Variants in DOCK3 observed in about 807,000 individuals in gnomAD.
DOCK3 encodes the protein dedicator of cytokinesis 3.
In DOCK3, 60 loss-of-function variants were observed where a neutral mutation model predicts 265.6. The ratio of observed to expected loss-of-function variants is 0.23; its 90% confidence interval spans 0.18 to 0.28. The LOEUF is 0.28. Among genes scored for constraint, DOCK3 ranks in the 10% least tolerant of loss-of-function variants. DOCK3 has a pLI of 1.00. For synonymous variants in DOCK3, 881 were observed against 938.0 expected, an observed-to-expected ratio of 0.94 and a Z score of 1.11; for missense variants, 1,981 against 2,594.3, an observed-to-expected ratio of 0.76 and a Z score of 5.14.
intron 5 of DOCK3, among the ~76,000 whole-genome samples, chr3:50,997,185 G>A (rs1003719061): frequency 6.6e-6 from 1 of 152,048 alleles, no homozygotes; most frequent in Non-Finnish European, 1.5e-5. Flanking sequence ...CACCCTATAC[G>A]TACAAATACA....
At chr3:51,282,896 ACAAAC>A (rs1455071604) in intron 27 of DOCK3, among the ~76,000 whole-genome samples, 1 of 152,198 alleles carries the variant, frequency 6.6e-6, no homozygotes, top group Non-Finnish European at 1.5e-5. Flanking sequence ...AAAGCAAACT[ACAAAC>A]CAATACCCCT....
intron 5 of DOCK3, among the ~76,000 whole-genome samples, chr3:51,058,908 T>C (rs182976785): frequency 1.3e-5 from 2 of 152,254 alleles, no homozygotes; most frequent in Admixed American, 1.3e-4. Flanking sequence ...ATTACATATA[T>C]ATGTATGTAT....
intron 3 of DOCK3, among the ~76,000 whole-genome samples, chr3:50,884,731 A>T (rs2048239195): frequency 1.3e-5 from 2 of 151,288 alleles, no homozygotes. Context: ...AAAATTTTAC[A>T]TTTCAAATTA....
chr3:50,739,403 T>A lies in DOCK3; in HGVS notation c.38-39272T>A, dbSNP rs564008366. On this transcript the variant is annotated intron_variant, in intron 1 of 52. Coordinates refer to ENST00000266037, the MANE Select transcript of DOCK3 (RefSeq NM_004947.5). The stretch of plus-strand genomic sequence containing the variant: ...CTCATTAGTGACTATATGTTTTGCA[T>A]TGTTCTACAGTACCTTCCTTCAGAC... 2.0e-5 allele frequency among the ~76,000 whole-genome samples: 3 copies of A among 152,288 alleles called. No homozygotes were observed. The East Asian group carries it at 5.8e-4, about 29-fold the overall frequency.
chr3:50,947,738 AGAG>A (rs2076464929), intron 5 of DOCK3, among the ~76,000 whole-genome samples: 1 of 152,188 alleles, frequency 6.6e-6, no homozygotes, highest in Non-Finnish European at 1.5e-5. Flanking sequence ...CGAAATAAAT[AGAG>A]GAGATATGTC....
chr3:50,710,821 G>T (rs1326088732), intron 1 of DOCK3, among the ~76,000 whole-genome samples: 2 of 152,186 alleles, frequency 1.3e-5, no homozygotes, highest in Non-Finnish European at 2.9e-5. Context: ...CTACTACTCA[G>T]CCATAAAAAG....
At chr3:51,310,392 T>G in intron 28 of DOCK3, 66 bp downstream of exon 28, 1 of 1,383,924 alleles carries the variant, frequency 7.2e-7, no homozygotes, top group Non-Finnish European at 1.0e-6. Flanking sequence ...AGTATGTGTA[T>G]TTCAGAGAGG....
chr3:51,001,802 A>G (rs1371092008), intron 5 of DOCK3, among the ~76,000 whole-genome samples: 2 of 152,050 alleles, frequency 1.3e-5, no homozygotes, highest in African/African-American at 4.8e-5. Context: ...TTCTCAAAGT[A>G]CTCATCATTG....
At chr3:50,878,145 G>T (rs1281488417) in intron 3 of DOCK3, among the ~76,000 whole-genome samples, 1 of 152,058 alleles carries the variant, frequency 6.6e-6, no homozygotes. Flanking sequence ...AAAGATCAAA[G>T]GTAGATAAAA....
intron 3 of DOCK3, among the ~76,000 whole-genome samples, chr3:50,879,430 G>A (rs1696432532): frequency 6.6e-6 from 1 of 150,376 alleles, no homozygotes; most frequent in South Asian, 2.1e-4. Flanking sequence ...AGGGATGGAG[G>A]AAGATTTACC....
At chr3:51,236,925 C>G (rs571289482) in intron 20 of DOCK3, among the ~76,000 whole-genome samples, 1 of 152,156 alleles carries the variant, frequency 6.6e-6, no homozygotes, top group Admixed American at 6.5e-5. Context: ...TGCATTTTGC[C>G]TAATATATCC....
chr3:50,698,517 G>GTTTTTTTTTTTTTGTTTTT (rs2035797286), intron 1 of DOCK3, among the ~76,000 whole-genome samples: 1 of 19,506 alleles, frequency 5.1e-5, no homozygotes, highest in Non-Finnish European at 1.2e-4. Context: ...TATGTTTTTG[G>GTTTTTTTTTTTTTGTTTTT]TTTTTTTTTT....
At chr3:51,189,231 T>C (rs2087794808) in intron 12 of DOCK3, among the ~76,000 whole-genome samples, 1 of 152,250 alleles carries the variant, frequency 6.6e-6, no homozygotes, top group African/African-American at 2.4e-5. Flanking sequence ...ATGTCTTCTT[T>C]TGAGAAATTC....
intron 14 of DOCK3, among the ~76,000 whole-genome samples, chr3:51,219,320 C>T (rs991775582): frequency 2.0e-5 from 3 of 152,132 alleles, no homozygotes; most frequent in African/African-American, 7.2e-5. Flanking sequence ...GCTCTGTCTG[C>T]TTATTGCCTG....
chr3:50,834,792 G>C (rs1217827309), intron 2 of DOCK3, among the ~76,000 whole-genome samples: 1 of 152,118 alleles, frequency 6.6e-6, no homozygotes, highest in Non-Finnish European at 1.5e-5. Flanking sequence ...GCTTTCCAAA[G>C]TGTCTTTTTT....
At chr3:50,681,140 C>T (rs892370139) in intron 1 of DOCK3, among the ~76,000 whole-genome samples, 3 of 152,038 alleles carry the variant, frequency 2.0e-5, no homozygotes, top group African/African-American at 7.2e-5. Flanking sequence ...ATTCAGTAGA[C>T]TTCAGATTTC....
At chr3:51,026,895 C>CT (rs146109193) in intron 5 of DOCK3, among the ~76,000 whole-genome samples, 5 of 150,118 alleles carry the variant, frequency 3.3e-5, no homozygotes, top group South Asian at 4.2e-4. Context: ...GTCTATCAAT[C>CT]TTTTTTTTTC....
At chr3:50,757,000 G>A (rs2040198093) in intron 1 of DOCK3, among the ~76,000 whole-genome samples, 1 of 151,654 alleles carries the variant, frequency 6.6e-6, no homozygotes, top group South Asian at 2.1e-4. Context: ...AACTGGGACT[G>A]CAGGTACACC....
At chr3:50,906,538 A>G (rs1040650102) in intron 4 of DOCK3, among the ~76,000 whole-genome samples, 85 of 152,042 alleles carry the variant, frequency 5.6e-4, no homozygotes, top group African/African-American at 2.0e-3. Flanking sequence ...TAGATTTTCT[A>G]GTTTATTTGT....
Sources: gnomAD v4.1 joint callset for allele counts (sites outside exome capture counted in the v4.1 genomes callset) on GRCh38, gnomAD v4.1.1 for gene constraint, MANE v1.5 for transcripts, NCBI Gene and HGNC (gene_info 2026-07-23, HGNC 2026-07-21) for gene names.